The following ST18 variants were observed in gnomAD, a reference collection of about 807,000 sequenced individuals.
The protein encoded by ST18 is ST18 C2H2C-type zinc finger transcription factor.
In ST18, 50 loss-of-function variants were observed where a neutral mutation model predicts 110.0. The ratio of observed to expected loss-of-function variants is 0.45; its 90% CI spans 0.36 to 0.58. The LOEUF (loss-of-function observed/expected upper bound fraction) is 0.58, where lower values mean the gene tolerates loss of function less well. Ranked by LOEUF, ST18 falls within the 20% of genes least tolerant of loss-of-function variation. The pLI, the probability that ST18 is intolerant of heterozygous loss-of-function variation, is 0.00. For missense variants in ST18, 1,306 were observed against 1,280.1 expected (o/e 1.02, Z -0.31); for synonymous variants, 461 against 452.4 (o/e 1.02, Z -0.24).
At chr8:52,404,837 C>CT (rs1296981201) in intron 2 of ST18, 1 of 152,108 alleles carries the variant, frequency 6.6e-6, no homozygotes, top group Non-Finnish European at 1.5e-5. Flanking sequence ...GTAAAAATAT[C>CT]TTTTTAAAAA....
At position 52,138,094 on chromosome 8, in the gene ST18, A is replaced by C. The variant is rs1310241209; in HGVS notation, c.2169-611T>G. ...GGCAACAAGAGTAAAACTCTGTCTC[A>C]AAAAAAAAAAAAAAAAAGAAAAGAA... is the stretch of plus-strand genomic sequence containing the variant. On this transcript the variant is annotated intron_variant, in intron 17 of 25. Coordinates refer to ENST00000689386, the MANE Select transcript of ST18 (RefSeq NM_001352837.2). Among the ~76,000 whole-genome samples the C allele has an allele frequency of 2.7e-5, 3 of 111,824 alleles. No individual in the cohort carries two copies. In the South Asian group the frequency reaches 7.6e-4, roughly 28 times the overall value. The allele number at this position is 111,824 out of a possible 152,430, so 73.4% of individuals were successfully genotyped here. A position where few individuals can be genotyped will look rare whatever the true frequency, so the allele number is the denominator to read the frequency against.
At chr8:52,270,674 GA>G (rs1223967960) in intron 2 of ST18, among the ~76,000 whole-genome samples, 6 of 152,036 alleles carry the variant, frequency 3.9e-5, no homozygotes, top group Non-Finnish European at 7.4e-5. Context: ...ACGCAACTTT[GA>G]AAAACGCATC....
intron 19 of ST18, among the ~76,000 whole-genome samples, chr8:52,133,875 C>T (rs1299825704): frequency 6.6e-6 from 1 of 152,008 alleles, no homozygotes; most frequent in Admixed American, 6.6e-5. Flanking sequence ...GGATTATAGG[C>T]ACATGCCTCC....
intron 22 of ST18, 106 bp downstream of exon 22, chr8:52,131,852 C>T (rs2049739494): frequency 2.1e-6 from 2 of 961,968 alleles, no homozygotes; most frequent in East Asian, 5.1e-5. Flanking sequence ...ATCTCAACTG[C>T]TACAGTGAAC....
chr8:52,336,207 G>A (rs1455401136), intron 2 of ST18, among the ~76,000 whole-genome samples: 1 of 152,096 alleles, frequency 6.6e-6, no homozygotes, highest in Non-Finnish European at 1.5e-5. Flanking sequence ...GGAGGGCAAT[G>A]CCACAATCTC....
rs2063188205 is a variant in ST18 at position 52,166,869 on chromosome 8, A to G, written c.1187T>C (p.Val396Ala). ...GTACTCACTTTCCAGGGGAACCCGC[A>G]CTTTGTGGGGGCACCCCGAAAGGCT... is the stretch of plus-strand genomic sequence containing the variant. ...HRSLSGCPHK[V>A]RVPLEILAMH... is the part of the protein sequence containing the mutation. The change falls in exon 11 of 26, where the codon GTG becomes GCG. Residue 396 changes from valine to alanine, a missense_variant. Coordinates refer to ENST00000689386, the MANE Select transcript of ST18 (RefSeq NM_001352837.2). The G allele has an allele frequency of 1.3e-5, 21 of 1,591,784 alleles. No individual in the cohort carries two copies. Among genetic ancestry groups the G allele is most frequent in the Non-Finnish European group, 1.8e-5 (21 of 1,163,708 alleles).
At chr8:52,126,594 T>C (rs2131226651) in intron 22 of ST18, among the ~76,000 whole-genome samples, 1 of 152,250 alleles carries the variant, frequency 6.6e-6, no homozygotes. Flanking sequence ...TTGACCTTTA[T>C]AGAATGACTC....
chr8:52,238,277 A>G (rs1250776065), intron 2 of ST18, among the ~76,000 whole-genome samples: 1 of 152,236 alleles, frequency 6.6e-6, no homozygotes, highest in Non-Finnish European at 1.5e-5. Flanking sequence ...TCGTAACAGC[A>G]TTACTCACAG....
intron 8 of ST18, among the ~76,000 whole-genome samples, chr8:52,197,576 G>A (rs2076557623): frequency 1.3e-5 from 2 of 152,160 alleles, no homozygotes; most frequent in South Asian, 4.1e-4. Context: ...GGTCTAATTA[G>A]TACGGTAATG....
intron 19 of ST18, among the ~76,000 whole-genome samples, chr8:52,134,611 T>A (rs1319928414): frequency 2.6e-5 from 4 of 152,204 alleles, no homozygotes; most frequent in African/African-American, 7.2e-5. Flanking sequence ...TTGCCTTTTT[T>A]TTTTCTTTTT....
chr8:52,390,642 T>C (rs925757839), intron 2 of ST18, among the ~76,000 whole-genome samples: 1 of 152,228 alleles, frequency 6.6e-6, no homozygotes, highest in East Asian at 1.9e-4. Flanking sequence ...AGAGAAATGA[T>C]GGGCAATAAG....
At position 52,149,829 on chromosome 8, in the gene ST18, A is replaced by G; in HGVS notation, c.1955T>C (p.Val652Ala). 3 of 1,614,152 alleles carry G rather than the reference A, an allele frequency of 1.9e-6. No individual in the cohort carries two copies. Among genetic ancestry groups the G allele is most frequent in the Non-Finnish European group, 2.5e-6 (3 of 1,180,016 alleles). ...AAGAGCCTGATAGAATGCTGCATTGACCAGAATGCTGCTTGTTTTGAATGG... is the reference window on the plus strand; with the variant it reads ...AAGAGCCTGATAGAATGCTGCATTGGCCAGAATGCTGCTTGTTTTGAATGG... Reference protein sequence around the residue: ...SSPFKTSSILVNAAFYQALCD... With the variant: ...SSPFKTSSILANAAFYQALCD... Residue 652 changes from valine to alanine, a missense_variant, in exon 16 of 26, where the codon GTC becomes GCC. Coordinates refer to ENST00000689386, the MANE Select transcript of ST18 (RefSeq NM_001352837.2).
chr8:52,136,293 C>T (rs1210504189), intron 19 of ST18, among the ~76,000 whole-genome samples: 1 of 152,142 alleles, frequency 6.6e-6, no homozygotes, highest in Non-Finnish European at 1.5e-5. Context: ...CTTCACAGGT[C>T]TGATTTAATA....
At chr8:52,188,372 C>A (rs1259992720) in intron 8 of ST18, among the ~76,000 whole-genome samples, 5 of 152,122 alleles carry the variant, frequency 3.3e-5, no homozygotes, top group African/African-American at 1.2e-4. Context: ...CACAGGATTG[C>A]AGGCAGCAGA....
At chr8:52,132,472 T>A (rs144025906) in intron 21 of ST18, among the ~76,000 whole-genome samples, 10 of 152,316 alleles carry the variant, frequency 6.6e-5, no homozygotes, top group Admixed American at 1.3e-4. Context: ...TGGAGCCAAG[T>A]TCATGCCCAC....
intron 2 of ST18, among the ~76,000 whole-genome samples, chr8:52,298,766 C>A (rs1051134519): frequency 1.3e-5 from 2 of 152,156 alleles, no homozygotes; most frequent in African/African-American, 4.8e-5. Flanking sequence ...ACTATTTCTA[C>A]CTGAAATAGA....
intron 22 of ST18, among the ~76,000 whole-genome samples, chr8:52,128,514 G>A (rs1453776725): frequency 2.0e-5 from 3 of 151,904 alleles, no homozygotes; most frequent in Non-Finnish European, 4.4e-5. Flanking sequence ...TTTTTCAAAG[G>A]GAAAATTTTG....
At chr8:52,158,724 C>T (rs1248315928) in intron 15 of ST18, among the ~76,000 whole-genome samples, 174 bp downstream of exon 15, 3 of 152,204 alleles carry the variant, frequency 2.0e-5, no homozygotes, top group East Asian at 1.9e-4. Context: ...CCTTCTTTGA[C>T]CCCACCAAGC....
intron 6 of ST18, among the ~76,000 whole-genome samples, chr8:52,217,534 G>A (rs566975993): frequency 1.3e-5 from 2 of 152,258 alleles, no homozygotes; most frequent in Admixed American, 6.5e-5. Flanking sequence ...GTTTTCTGGG[G>A]AGAGGGGTGA....
Sources: allele counts gnomAD v4.1 joint callset (sites outside exome capture counted in the v4.1 genomes callset), GRCh38; gene constraint gnomAD v4.1.1; transcripts MANE v1.5; gene names NCBI Gene and HGNC (gene_info 2026-07-23, HGNC 2026-07-21).